Variants in STRN observed in about 807,000 individuals in gnomAD.
STRN encodes the protein striatin.
In STRN, 53 loss-of-function variants were observed where a neutral mutation model predicts 96.3. The observed-to-expected ratio is 0.55, with a 90% confidence interval of 0.44 to 0.69. The LOEUF is 0.69. STRN is among the 30% of genes least tolerant of loss of function. The pLI, the probability that STRN is intolerant of heterozygous loss-of-function variation, is 0.00. For synonymous variants in STRN, 428 were observed against 355.9 expected, an observed-to-expected ratio of 1.20 and a Z score of -2.28; for missense variants, 987 against 963.9, an observed-to-expected ratio of 1.02 and a Z score of -0.32.
intron 5 of STRN, among the ~76,000 whole-genome samples, chr2:36,900,812 G>C (rs987734986): frequency 1.3e-5 from 2 of 152,064 alleles, no homozygotes; most frequent in Admixed American, 1.3e-4. Flanking sequence ...AGAATCGCTT[G>C]AACCCGGGAG....
At chr2:36,922,258 C>T (rs1048754498) in intron 2 of STRN, among the ~76,000 whole-genome samples, 2 of 152,196 alleles carry the variant, frequency 1.3e-5, no homozygotes, top group African/African-American at 4.8e-5. Flanking sequence ...GTGACTCACG[C>T]CTATAATCAC....
intron 7 of STRN, among the ~76,000 whole-genome samples, chr2:36,890,477 CTTTTT>C (rs1163881782): frequency 3.8e-5 from 4 of 104,642 alleles, no homozygotes; most frequent in Admixed American, 3.3e-4. Context: ...CACCAGAAAA[CTTTTT>C]TTTTTTTTTT....
intron 13 of STRN, 136 bp downstream of exon 13, chr2:36,860,996 T>A: frequency 9.2e-7 from 1 of 1,091,426 alleles, no homozygotes; most frequent in Non-Finnish European, 1.3e-6. Context: ...CAGAAGTCCT[T>A]TTTAACAAAA....
chr2:36,866,598 T>A (rs1029091870), intron 12 of STRN, among the ~76,000 whole-genome samples: 1 of 152,184 alleles, frequency 6.6e-6, no homozygotes, highest in African/African-American at 2.4e-5. Context: ...ATTTTAGTTT[T>A]CTGCCTTGAT....
rs542379911 is a variant in STRN, at chr2:36,840,067, A to G, written c.*9389T>C. ...TGTCCCAGAATTTTCCTCTCCAAAG[A>G]AAGCTCCCCAGAGGGATGCCTTTCC... On this transcript the variant is annotated 3_prime_UTR_variant, in exon 18 of 18. Transcript: ENST00000263918. The G allele has an allele frequency of 6.6e-6, 1 of 152,236 alleles. No homozygotes were observed. The allele number at this position is 152,236 out of a possible 1,614,324, so 9.4% of individuals were successfully genotyped here. A position where few individuals can be genotyped will look rare whatever the true frequency, so the allele number is the denominator to read the frequency against.
intron 10 of STRN, among the ~76,000 whole-genome samples, chr2:36,874,983 TGAG>T (rs1558632234): frequency 6.6e-6 from 1 of 152,162 alleles, no homozygotes; most frequent in Non-Finnish European, 1.5e-5. Flanking sequence ...TAATCCTAAC[TGAG>T]TATAGAGTGT....
rs77368877 is a variant in STRN, at chr2:36,843,169, G to T, written c.*6287C>A. Among the ~76,000 whole-genome samples, 6 of 152,112 alleles carry T rather than the reference G, an allele frequency of 3.9e-5. No homozygotes were observed. Among genetic ancestry groups the T allele is most frequent in the African/African-American group, 1.4e-4 (6 of 41,414 alleles). On this transcript the variant is annotated 3_prime_UTR_variant, in exon 18 of 18. Coordinates refer to ENST00000263918, the MANE Select transcript of STRN (RefSeq NM_003162.4). ...AGGTGTTTCCAACACTACTGAAAAT[G>T]TGTGTACATACCAAAGGATATAATA...
intron 5 of STRN, among the ~76,000 whole-genome samples, chr2:36,899,935 G>A (rs181358024): frequency 1.4e-4 from 21 of 152,188 alleles, no homozygotes; most frequent in Admixed American, 8.5e-4. Flanking sequence ...TGTCACCCAC[G>A]GTAGAGTGCA....
intron 1 of STRN, among the ~76,000 whole-genome samples, chr2:36,926,575 A>T (rs1286870791): frequency 6.6e-6 from 1 of 152,210 alleles, no homozygotes; most frequent in Non-Finnish European, 1.5e-5. Context: ...ATTCAAGCTT[A>T]GTTTGAATGA....
chr2:36,837,789 C>G lies in STRN; in HGVS notation c.*11667G>C, dbSNP rs976324567. On this transcript the variant is annotated 3_prime_UTR_variant, in exon 18 of 18. Coordinates refer to ENST00000263918, the MANE Select transcript of STRN (RefSeq NM_003162.4). ...AAGAGTTGGAAAAAAATGTTTGCAT[C>G]CAAGATAAGAAAATCTGAACATATA... Among the ~76,000 whole-genome samples, 9 of 151,970 alleles carry G rather than the reference C, an allele frequency of 5.9e-5. No homozygotes were observed. The highest frequency in any genetic ancestry group is 2.2e-4 in the African/African-American group (9 of 41,380).
chr2:36,880,257 C>G (rs564865791), intron 9 of STRN, among the ~76,000 whole-genome samples: 2 of 152,286 alleles, frequency 1.3e-5, no homozygotes, highest in African/African-American at 4.8e-5. Flanking sequence ...CGTGAGCCAT[C>G]ATGCCCGGCC....
At chr2:36,945,270 C>T (rs560868676) in intron 1 of STRN, among the ~76,000 whole-genome samples, 59 of 152,238 alleles carry the variant, frequency 3.9e-4, no homozygotes, top group African/African-American at 9.9e-4. Flanking sequence ...AATTAAACAA[C>T]AGAGGGACCA....
At chr2:36,869,326 ATTC>A (rs1668707252) in intron 11 of STRN, among the ~76,000 whole-genome samples, 1 of 152,272 alleles carries the variant, frequency 6.6e-6, no homozygotes, top group Non-Finnish European at 1.5e-5. Context: ...TGTAATCAGT[ATTC>A]ACAAACCCTG....
chr2:36,867,758 A>C (rs1424857688), intron 12 of STRN, 56 bp downstream of exon 12: 27 of 1,187,590 alleles, frequency 2.3e-5, no homozygotes, highest in South Asian at 1.3e-4. Flanking sequence ...AAAATATCCT[A>C]ACCAGGCTAT....
At position 36,861,723 on chromosome 2, in the gene STRN, T is replaced by C. The variant is rs533321114; in HGVS notation, c.1548-470A>G. On this transcript the variant is annotated intron_variant, in intron 12 of 17. Coordinates refer to ENST00000263918, the MANE Select transcript of STRN (RefSeq NM_003162.4). The stretch of plus-strand genomic sequence containing the variant: ...ACAGAAAAAAAAATGCAATGTATCA[T>C]TGCGTGAGCACACACACACACACAC... Among the ~76,000 whole-genome samples, 264 of 78,748 alleles carry C rather than the reference T, an allele frequency of 3.4e-3. 3 individuals carry two copies. Among genetic ancestry groups the C allele is most frequent in the South Asian group, 9.3e-3 (18 of 1,938 alleles). The allele number at this position is 78,748 out of a possible 152,430, so 51.7% of individuals were successfully genotyped here. A position where few individuals can be genotyped will look rare whatever the true frequency, so the allele number is the denominator to read the frequency against.
intron 15 of STRN, among the ~76,000 whole-genome samples, chr2:36,851,592 G>A (rs151164763): frequency 2.8e-4 from 42 of 152,320 alleles, no homozygotes; most frequent in African/African-American, 9.4e-4. Context: ...TTAGGAAAGA[G>A]AATTGCCTGA....
chr2:36,922,339 C>T (rs113053472), intron 2 of STRN, among the ~76,000 whole-genome samples: 3 of 151,738 alleles, frequency 2.0e-5, no homozygotes, highest in African/African-American at 7.3e-5. Flanking sequence ...GGGAACAGGG[C>T]GAGACCCTGT....
At chr2:36,856,824 C>T (rs912023095) in intron 14 of STRN, among the ~76,000 whole-genome samples, 4 of 152,124 alleles carry the variant, frequency 2.6e-5, no homozygotes, top group African/African-American at 7.2e-5. Flanking sequence ...GTGCTATTCT[C>T]GTGATAGAGT....
intron 15 of STRN, among the ~76,000 whole-genome samples, chr2:36,853,280 T>G (rs554332528): frequency 6.6e-6 from 1 of 152,342 alleles, no homozygotes; most frequent in African/African-American, 2.4e-5. Context: ...TACGCATTAT[T>G]TCCTCCACAG....
Sources: allele counts gnomAD v4.1 joint callset (sites outside exome capture counted in the v4.1 genomes callset), GRCh38; gene constraint gnomAD v4.1.1; transcripts MANE v1.5; gene names NCBI Gene and HGNC (gene_info 2026-07-23, HGNC 2026-07-21).